Variants in KCNU1 observed in about 807,000 individuals in gnomAD.
KCNU1 encodes the protein potassium calcium-activated channel subfamily U member 1, also known as potassium channel subfamily U member 1.
KCNU1 carries 93 observed loss-of-function variants against 126.8 expected under a neutral mutation model. That is an observed-to-expected ratio of 0.73 (90% CI 0.62 to 0.87). The LOEUF (loss-of-function observed/expected upper bound fraction) is 0.87. KCNU1 is among the 40% of genes least tolerant of loss of function. The pLI is 0.00. For missense variants in KCNU1, 1,330 were observed against 1,367.1 expected, an observed-to-expected ratio of 0.97 and a Z score of 0.43; for synonymous variants, 523 against 494.2, an observed-to-expected ratio of 1.06 and a Z score of -0.77.
At chr8:36,841,241 C>G (rs766999665) in intron 16 of KCNU1, among the ~76,000 whole-genome samples, 2 of 151,860 alleles carry the variant, frequency 1.3e-5, no homozygotes, top group Non-Finnish European at 2.9e-5. Flanking sequence ...TTCCTCGGAC[C>G]CTGCCCCACC....
intron 2 of KCNU1, among the ~76,000 whole-genome samples, chr8:36,794,574 G>A (rs1185261104): frequency 1.3e-5 from 2 of 151,894 alleles, no homozygotes; most frequent in Non-Finnish European, 2.9e-5. Flanking sequence ...AGTTCAGGAT[G>A]AGCATTTTCT....
intron 18 of KCNU1, among the ~76,000 whole-genome samples, chr8:36,850,966 C>A (rs1805321059): frequency 6.6e-6 from 1 of 152,214 alleles, no homozygotes; most frequent in Non-Finnish European, 1.5e-5. Flanking sequence ...AAGTACCACA[C>A]TGTCTTGATT....
intron 19 of KCNU1, among the ~76,000 whole-genome samples, chr8:36,898,636 A>T (rs1289113273): frequency 6.6e-6 from 1 of 152,084 alleles, no homozygotes; most frequent in African/African-American, 2.4e-5. Flanking sequence ...GCGTTTTAGG[A>T]TTGAAAGTGT....
At chr8:36,842,602 T>C (rs1246816464) in intron 16 of KCNU1, among the ~76,000 whole-genome samples, 6 of 152,222 alleles carry the variant, frequency 3.9e-5, no homozygotes, top group Non-Finnish European at 7.3e-5. Flanking sequence ...CCCAAAATTT[T>C]ATCAAGTTTT....
At chr8:36,802,329 A>G (rs1803342946) in intron 2 of KCNU1, among the ~76,000 whole-genome samples, 1 of 152,064 alleles carries the variant, frequency 6.6e-6, no homozygotes, top group Non-Finnish European at 1.5e-5. Context: ...TTAGGACAGG[A>G]AGCTGAATAG....
At chr8:36,929,387 C>CAAAAA (rs35835813) in intron 24 of KCNU1, among the ~76,000 whole-genome samples, 1 of 99,284 alleles carries the variant, frequency 1.0e-5, no homozygotes, top group African/African-American at 3.9e-5. Context: ...GACCCTGTCT[C>CAAAAA]AAAAAAAAAA....
chr8:36,933,145 G>A, intron 26 of KCNU1, 113 bp downstream of exon 26: 1 of 652,288 alleles, frequency 1.5e-6, no homozygotes. Flanking sequence ...TTGCAAGGAA[G>A]GGTGCATGGG....
At chr8:36,784,707 TAACA>T in intron 1 of KCNU1, 102 bp downstream of exon 1, 1 of 946,288 alleles carries the variant, frequency 1.1e-6, no homozygotes, top group Non-Finnish European at 1.6e-6. Flanking sequence ...TTTTTCAAGC[TAACA>T]GAGTCAGCTT....
chr8:36,871,029 C>G (rs1563306915), intron 19 of KCNU1, among the ~76,000 whole-genome samples: 1 of 152,128 alleles, frequency 6.6e-6, no homozygotes, highest in Non-Finnish European at 1.5e-5. Context: ...GAATCCCTAG[C>G]AGGGCTATGT....
At chr8:36,891,668 A>T (rs1384847527) in intron 19 of KCNU1, among the ~76,000 whole-genome samples, 2 of 152,058 alleles carry the variant, frequency 1.3e-5, no homozygotes, top group Non-Finnish European at 2.9e-5. Flanking sequence ...AATTCTGGCC[A>T]TTTTTCTTCA....
chr8:36,899,306 G>A (rs1017872244), intron 19 of KCNU1, among the ~76,000 whole-genome samples: 4 of 152,024 alleles, frequency 2.6e-5, no homozygotes, highest in East Asian at 3.9e-4. Context: ...AAATGCCTTC[G>A]TGGAGATTTT....
At chr8:36,823,697 G>A (rs1804209940) in intron 10 of KCNU1, among the ~76,000 whole-genome samples, 1 of 151,868 alleles carries the variant, frequency 6.6e-6, no homozygotes, top group Admixed American at 6.6e-5. Flanking sequence ...TCTCCAATAT[G>A]TAATAATACA....
rs1022190862 is a variant in KCNU1 at position 36,936,032 on chromosome 8, T to G, written c.*112T>G. On this transcript the variant is annotated 3_prime_UTR_variant, in exon 27 of 27. Coordinates refer to ENST00000399881, the MANE Select transcript of KCNU1 (RefSeq NM_001031836.3). ...GGAAGCATGCCATTTTTCTGCCCAT[T>G]GCTTAGTGGTTCATGAAGGCCACAC... The G allele has an allele frequency of 8.3e-6, 8 of 960,834 alleles. No homozygotes were observed. The highest frequency in any genetic ancestry group is 1.2e-5 in the Non-Finnish European group (8 of 657,864). The allele number at this position is 960,834 out of a possible 1,614,324, so 59.5% of individuals were successfully genotyped here.
At chr8:36,870,624 C>A (rs1269859365) in intron 19 of KCNU1, among the ~76,000 whole-genome samples, 1 of 152,138 alleles carries the variant, frequency 6.6e-6, no homozygotes, top group Non-Finnish European at 1.5e-5. Flanking sequence ...TCTGAGCTTT[C>A]TACAGAAACT....
chr8:36,846,573 G>C (rs899473627), intron 18 of KCNU1, among the ~76,000 whole-genome samples: 9 of 152,110 alleles, frequency 5.9e-5, no homozygotes, highest in East Asian at 1.9e-4. Flanking sequence ...GGAGGCCAAG[G>C]GGGGTGGATC....
intron 14 of KCNU1, among the ~76,000 whole-genome samples, chr8:36,837,423 G>A (rs150332021): frequency 1.9e-4 from 29 of 152,242 alleles, no homozygotes; most frequent in African/African-American, 6.5e-4. Context: ...GTTTAAGGGA[G>A]CATTCCATGC....
At chr8:36,857,926 G>T (rs931470249) in intron 18 of KCNU1, among the ~76,000 whole-genome samples, 2 of 152,084 alleles carry the variant, frequency 1.3e-5, no homozygotes, top group African/African-American at 4.8e-5. Context: ...GATTACAGGC[G>T]TGAGCCACTG....
intron 1 of KCNU1, among the ~76,000 whole-genome samples, chr8:36,787,093 A>C (rs1170207087): frequency 6.6e-6 from 1 of 152,190 alleles, no homozygotes; most frequent in East Asian, 1.9e-4. Context: ...AGAATTCAGT[A>C]GAAAAAAAGC....
intron 23 of KCNU1, among the ~76,000 whole-genome samples, chr8:36,919,519 G>A (rs568695659): frequency 6.6e-6 from 1 of 152,032 alleles, no homozygotes; most frequent in East Asian, 1.9e-4. Flanking sequence ...GGCACGAGGA[G>A]CTGTGGGAAC....
Sources: allele counts gnomAD v4.1 joint callset (sites outside exome capture counted in the v4.1 genomes callset), GRCh38; gene constraint gnomAD v4.1.1; transcripts MANE v1.5; gene names NCBI Gene and HGNC (gene_info 2026-07-23, HGNC 2026-07-21).